RUNX1: variants seen among roughly 807,000 people sequenced by gnomAD.
RUNX1 encodes RUNX family transcription factor 1.
Under a neutral mutation model 42.8 loss-of-function variants are expected in RUNX1, and 19 were observed. The observed-to-expected ratio is 0.44, with a 90% CI of 0.31 to 0.65. The LOEUF (loss-of-function observed/expected upper bound fraction) is 0.65. RUNX1 is among the 30% of genes least tolerant of loss of function. The pLI, the probability that RUNX1 is intolerant of heterozygous loss-of-function variation, is 0.07. For synonymous variants in RUNX1, 271 were observed against 289.4 expected (o/e 0.94, Z 0.64); for missense variants, 528 against 672.0 (o/e 0.79, Z 2.37).
intron 7 of RUNX1, among the ~76,000 whole-genome samples, chr21:34,816,395 C>T (rs1292533960): frequency 6.7e-6 from 1 of 150,238 alleles, no homozygotes; most frequent in Non-Finnish European, 1.5e-5. Flanking sequence ...CGGGTGGGGG[C>T]ACGCTCAGGG....
At position 34,886,828 on chromosome 21, in the gene RUNX1, T is replaced by C. The variant is rs199881885; in HGVS notation, c.351+15A>G. On this transcript the variant is annotated intron_variant, in intron 4 of 8. Transcript: ENST00000675419. ...GCCTCCGCCTGTCCTCCCACCACCC[T>C]CTCCGGGCCAGTACCTTGAAAGCGA... 5.2e-3 allele frequency: 8,366 copies of C among 1,609,978 alleles called. 29 individuals carry two copies. Among genetic ancestry groups the C allele is most frequent in the Middle Eastern group, 0.017 (91 of 5,272 alleles).
chr21:34,797,680 C>G (rs1429630798), intron 8 of RUNX1, among the ~76,000 whole-genome samples: 1 of 152,206 alleles, frequency 6.6e-6, no homozygotes, highest in Non-Finnish European at 1.5e-5. Context: ...GCCAAGATAC[C>G]TGTGCTACTC....
At chr21:34,950,759 G>GTGA (rs1158290844) in intron 2 of RUNX1, among the ~76,000 whole-genome samples, 1 of 152,096 alleles carries the variant, frequency 6.6e-6, no homozygotes, top group Non-Finnish European at 1.5e-5. Flanking sequence ...ACATAGTTAG[G>GTGA]TGATGACTTA....
At chr21:34,995,265 G>A (rs1343270529) in intron 2 of RUNX1, among the ~76,000 whole-genome samples, 3 of 152,054 alleles carry the variant, frequency 2.0e-5, no homozygotes, top group Non-Finnish European at 2.9e-5. Flanking sequence ...TGACCACAAA[G>A]GGTGGAACTT....
intron 2 of RUNX1, among the ~76,000 whole-genome samples, chr21:34,982,694 T>C (rs1229179962): frequency 6.6e-6 from 1 of 152,114 alleles, no homozygotes; most frequent in Non-Finnish European, 1.5e-5. Context: ...CTTAGCCTCC[T>C]GAGTAGCTGG....
chr21:35,030,128 G>A (rs1239170083), intron 2 of RUNX1, among the ~76,000 whole-genome samples: 1 of 152,142 alleles, frequency 6.6e-6, no homozygotes, highest in African/African-American at 2.4e-5. Context: ...TGGATCACGA[G>A]GTTAGGAGAT....
At chr21:34,895,102 A>C (rs1391571070) in intron 2 of RUNX1, among the ~76,000 whole-genome samples, 1 of 152,258 alleles carries the variant, frequency 6.6e-6, no homozygotes, top group East Asian at 1.9e-4. Context: ...GAAATTCTTC[A>C]CCATGCAAAC....
intron 3 of RUNX1, chr21:34,889,661 C>A (rs2058053935): frequency 1.8e-6 from 2 of 1,131,074 alleles, no homozygotes; most frequent in African/African-American, 3.3e-5. Context: ...CGAGCGGCCC[C>A]AGGTGCGGAA....
intron 6 of RUNX1, among the ~76,000 whole-genome samples, chr21:34,846,474 C>A (rs2057318108): frequency 6.6e-6 from 1 of 152,024 alleles, no homozygotes; most frequent in African/African-American, 2.4e-5. Context: ...ATTGCTCCTA[C>A]AACCATCAAA....
At chr21:34,974,287 G>A (rs1291230337) in intron 2 of RUNX1, among the ~76,000 whole-genome samples, 1 of 152,028 alleles carries the variant, frequency 6.6e-6, no homozygotes, top group Middle Eastern at 3.2e-3. Context: ...GGCCAGGGGT[G>A]CTCATGGGGC....
At chr21:35,045,052 A>G (rs9974840) in intron 2 of RUNX1, among the ~76,000 whole-genome samples, 6 of 152,334 alleles carry the variant, frequency 3.9e-5, no homozygotes, top group Non-Finnish European at 5.9e-5. Flanking sequence ...AAGCAGAGCC[A>G]AGAGGAGGTT....
At chr21:34,813,439 G>A (rs116531274) in intron 7 of RUNX1, among the ~76,000 whole-genome samples, 27 of 152,232 alleles carry the variant, frequency 1.8e-4, no homozygotes, top group African/African-American at 6.5e-4. Context: ...ATGAACTGAG[G>A]GGTATGAGGA....
At chr21:34,968,405 C>G (rs2058736225) in intron 2 of RUNX1, among the ~76,000 whole-genome samples, 1 of 152,096 alleles carries the variant, frequency 6.6e-6, no homozygotes, top group African/African-American at 2.4e-5. Context: ...AAAGCGGTGG[C>G]CTGGGGAGCC....
In RUNX1 at chr21:34,789,962, G is replaced by A. The variant is rs1054825174; in HGVS notation, c.*2173C>T. 4 of 233,024 alleles carry A rather than the reference G, an allele frequency of 1.7e-5. No individual in the cohort carries two copies. Among genetic ancestry groups the A allele is most frequent in the East Asian group, 6.0e-5 (1 of 16,552 alleles). The allele number at this position is 233,024 out of a possible 1,614,324, so 14.4% of individuals were successfully genotyped here. On this transcript the variant is annotated 3_prime_UTR_variant, in exon 9 of 9. Coordinates refer to ENST00000675419, the MANE Select transcript of RUNX1 (RefSeq NM_001754.5). ...AAAAACATTTACGTTTAATTTGGGG[G>A]AAATGGGCTAATGGTGCTTTTCAGA...
Position 34,787,968 on chromosome 21 carries a change from G to A in RUNX1, c.*4167C>T, listed in dbSNP as rs940615604. The A allele has an allele frequency of 1.3e-5, 3 of 233,410 alleles. No individual in the cohort carries two copies. The highest frequency in any genetic ancestry group is 2.5e-5 in the Non-Finnish European group (3 of 118,150). 14.5% of individuals were successfully genotyped at this position (233,410 alleles called of 1,614,324 possible). A position where few individuals can be genotyped will look rare whatever the true frequency, so the allele number is the denominator to read the frequency against. On this transcript the variant is annotated 3_prime_UTR_variant, in exon 9 of 9. Coordinates refer to ENST00000675419, the MANE Select transcript of RUNX1 (RefSeq NM_001754.5). ...GGCACGACGAATGCTCCCAGGAGAG[G>A]GGAGGCGGCCCACCCGACTGTGTAC...
chr21:34,998,564 T>C (rs755154965), intron 2 of RUNX1, among the ~76,000 whole-genome samples: 31 of 152,080 alleles, frequency 2.0e-4, no homozygotes, highest in Non-Finnish European at 3.5e-4. Flanking sequence ...TTTTTTGAGA[T>C]GGAGTCTTGC....
chr21:34,878,380 C>A (rs1279895367), intron 5 of RUNX1, among the ~76,000 whole-genome samples: 1 of 148,900 alleles, frequency 6.7e-6, no homozygotes, highest in African/African-American at 2.5e-5. Context: ...TATATATACA[C>A]ACACACATAT....
At chr21:34,848,659 T>C (rs2057351089) in intron 6 of RUNX1, among the ~76,000 whole-genome samples, 1 of 152,178 alleles carries the variant, frequency 6.6e-6, no homozygotes, top group African/African-American at 2.4e-5. Context: ...GGTCTCGAAC[T>C]CCTGACCTCA....
intron 2 of RUNX1, among the ~76,000 whole-genome samples, chr21:34,965,360 G>A (rs570026602): frequency 4.6e-5 from 7 of 152,154 alleles, no homozygotes; most frequent in Non-Finnish European, 8.8e-5. Context: ...CATCTGGAGC[G>A]TTTTTATGCA....
Sources: gnomAD v4.1 joint callset for allele counts (sites outside exome capture counted in the v4.1 genomes callset) on GRCh38, gnomAD v4.1.1 for gene constraint, MANE v1.5 for transcripts, NCBI Gene and HGNC (gene_info 2026-07-23, HGNC 2026-07-21) for gene names.